Variants in DYNC1H1 observed in about 807,000 individuals in gnomAD.
DYNC1H1 encodes dynein cytoplasmic 1 heavy chain 1.
Under a neutral mutation model 527.1 loss-of-function variants are expected in DYNC1H1, and 51 were observed. The observed-to-expected ratio is 0.10, with a 90% CI of 0.08 to 0.12. The LOEUF is 0.12. Ranked by LOEUF, DYNC1H1 falls within the 10% of genes least tolerant of loss-of-function variation. The pLI is 1.00. For synonymous variants in DYNC1H1, 2,189 were observed against 2,278.8 expected, an observed-to-expected ratio of 0.96 and a Z score of 1.12; for missense variants, 2,771 against 5,971.8, an observed-to-expected ratio of 0.46 and a Z score of 17.66.
In DYNC1H1 at chr14:102,041,045, T is replaced by C. The variant is rs2048643338; in HGVS notation, c.11941+372T>C. 2.7e-6 allele frequency: 1 copy of C among 367,150 alleles called. No homozygotes were observed. The highest frequency in any genetic ancestry group is 4.0e-5 in the Admixed American group (1 of 25,304). 22.7% of individuals were successfully genotyped at this position (367,150 alleles called of 1,614,324 possible). Reference sequence around the variant, plus strand: ...CTTAGGGAGATCGCTTCTAGGTAGGTGTTGGCTTAGAAGTAAATCAGAAAT... The same window carrying C: ...CTTAGGGAGATCGCTTCTAGGTAGGCGTTGGCTTAGAAGTAAATCAGAAAT... On this transcript the variant is annotated intron_variant, in intron 64 of 77. Coordinates refer to ENST00000360184, the MANE Select transcript of DYNC1H1 (RefSeq NM_001376.5). This position sits in a 1 kb window ranked among gnomAD's most constrained non-coding sequence, Gnocchi z 4.5.
chr14:102,013,171 C>T (rs769339894), intron 34 of DYNC1H1, among the ~76,000 whole-genome samples: 29 of 146,310 alleles, frequency 2.0e-4, no homozygotes, highest in Non-Finnish European at 3.6e-4. Context: ...ATGGCATGAA[C>T]CTGGGAGGCG....
chr14:102,004,818 C>T lies in DYNC1H1; in HGVS notation c.5106C>T (p.Leu1702=). ...AACATCCCAAAATCAATGAGTGGCT[C>T]ACATTGGTAGAAAAGGAGATGAGAG... ...ITEHPKINEW[L]TLVEKEMRVT... is the part of the protein sequence containing the mutation. Residue 1702 remains leucine, a synonymous_variant, in exon 25 of 78, where the codon CTC becomes CTT. Transcript: ENST00000360184. The T allele has an allele frequency of 6.2e-7, 1 of 1,614,174 alleles. No homozygotes were observed. The highest frequency in any genetic ancestry group is 8.5e-7 in the Non-Finnish European group (1 of 1,180,030).
At chr14:101,991,864 G>T (rs2048002489) in intron 11 of DYNC1H1, among the ~76,000 whole-genome samples, 191 bp downstream of exon 11, 1 of 152,152 alleles carries the variant, frequency 6.6e-6, no homozygotes, top group African/African-American at 2.4e-5. Flanking sequence ...GGCATTTGTA[G>T]CTTGGTCTCA....
At chr14:102,046,857 G>A (rs2048726810) in intron 72 of DYNC1H1, among the ~76,000 whole-genome samples, 1 of 151,042 alleles carries the variant, frequency 6.6e-6, no homozygotes, top group Admixed American at 6.6e-5. Context: ...GGAGTGCAGT[G>A]GTGCAATCAG....
At chr14:101,970,470 GTTGTT>G (rs2047721558) in intron 1 of DYNC1H1, among the ~76,000 whole-genome samples, 1 of 96,308 alleles carries the variant, frequency 1.0e-5, no homozygotes, top group African/African-American at 4.8e-5. Context: ...TTGGTTTGTT[GTTGTT>G]TTTTTTTTTT....
At chr14:101,970,128 C>T (rs1398261063) in intron 1 of DYNC1H1, among the ~76,000 whole-genome samples, 2 of 152,016 alleles carry the variant, frequency 1.3e-5, no homozygotes, top group African/African-American at 2.4e-5. Flanking sequence ...CTTTTCTTTT[C>T]GGGAAATACC....
At chr14:102,032,655 C>A in intron 52 of DYNC1H1, 188 bp downstream of exon 52, 1 of 736,950 alleles carries the variant, frequency 1.4e-6, no homozygotes, top group Non-Finnish European at 2.3e-6. Context: ...AGTTAGAGAC[C>A]AACCTGGGCT....
Position 101,988,906 on chromosome 14 carries a change from TC to T in DYNC1H1, c.2868+55del, listed in dbSNP as rs2047964989. 5.0e-6 allele frequency: 8 copies of T among 1,609,064 alleles called. No homozygotes were observed. In the Admixed American group the frequency reaches 6.7e-5, roughly 13 times the overall value. ...TAATAAGTGAAATAACAAAACTCTCTCGTTAAAAAACACCTATGGAAAGGTC... is the reference window on the plus strand; with the variant it reads ...TAATAAGTGAAATAACAAAACTCTCTGTTAAAAAACACCTATGGAAAGGTC... On this transcript the variant is annotated intron_variant, in intron 10 of 77. Transcript: ENST00000360184.
rs1285270824 is a variant in DYNC1H1, at chr14:102,026,613, G to A, written c.8677G>A (p.Val2893Ile). Residue 2893 changes from valine to isoleucine, a missense_variant, in exon 44 of 78, where the codon GTC (valine) becomes ATC (isoleucine). By Grantham distance (29) the Val-to-Ile change is conservative. Transcript: ENST00000360184. The stretch of plus-strand genomic sequence containing the variant: ...AGACCAAGAAGAGTTAAGAGATTAT[G>A]TCAAAGCTAGGCTGAAGGTCTTTTA... ...PVDQEELRDY[V>I]KARLKVFYEE... 1.5e-5 allele frequency: 25 copies of A among 1,614,148 alleles called. No individual in the cohort carries two copies. The highest frequency in any genetic ancestry group is 2.2e-5 in the East Asian group (1 of 44,886).
chr14:101,991,757 T>A, intron 11 of DYNC1H1, 84 bp downstream of exon 11: 1 of 1,575,326 alleles, frequency 6.3e-7, no homozygotes, highest in Non-Finnish European at 8.7e-7. Flanking sequence ...GGTGCTTCTT[T>A]AGATAAGCTC....
At chr14:102,004,357 T>A (rs1420722546) in intron 23 of DYNC1H1, among the ~76,000 whole-genome samples, 161 bp from the exon 24 acceptor site, 1 of 152,238 alleles carries the variant, frequency 6.6e-6, no homozygotes, top group African/African-American at 2.4e-5. Context: ...GTGTATCTTT[T>A]GCCAAGGGCT....
rs146220233 is a variant in DYNC1H1 at position 102,020,051 on chromosome 14, A to G, written c.8502A>G (p.Gln2834=). 2.1e-4 allele frequency: 338 copies of G among 1,614,120 alleles called. 5 individuals are homozygous for G. Among genetic ancestry groups the G allele is most frequent in the South Asian group, 3.1e-4 (28 of 91,080 alleles). Residue 2834 remains glutamine (Q), a synonymous_variant, in exon 42 of 78, where the codon CAA becomes CAG. Coordinates refer to ENST00000360184, the MANE Select transcript of DYNC1H1 (RefSeq NM_001376.5). The surrounding 1 kb of genome is among the most constrained non-coding windows in gnomAD (Gnocchi z 4.3). ...CACATGAAGCTCTGCGTCTCTTCCA[A>G]GATAGGTAAGGGAAGCCGAGGATCC... is the stretch of plus-strand genomic sequence containing the variant. ...IWAHEALRLF[Q]DRLVEDEERR...
Position 102,033,288 on chromosome 14 carries a change from T to C in DYNC1H1, c.10217T>C (p.Leu3406Ser). 6.2e-7 allele frequency: 1 copy of C among 1,614,142 alleles called. No homozygotes were observed. The highest frequency in any genetic ancestry group is 8.5e-7 in the Non-Finnish European group (1 of 1,180,038). The change falls in exon 54 of 78, where the codon TTA becomes TCA. Residue 3406 changes from leucine (L) to serine (S), a missense_variant. By Grantham distance (145) the Leu-to-Ser change is moderately radical (BLOSUM62 -2). This residue lies in a region of DYNC1H1 where 283 missense variants were observed against 737.6 expected (regional missense o/e 0.38). Transcript: ENST00000360184. The surrounding 1 kb of genome is among the most constrained non-coding windows in gnomAD (Gnocchi z 5.6). ...AIAQLNYADM[L>S]KRVEPLRNEL... ...TCCCAGCTTAACTATGCAGACATGT[T>C]AAAGAGAGTGGAGCCCCTACGCAAT...
In DYNC1H1 at chr14:102,043,858, G is replaced by C. The variant is rs2048682474; in HGVS notation, c.12514-17G>C. On this transcript the variant is annotated splice_polypyrimidine_tract_variant and intron_variant, in intron 69 of 77. Transcript: ENST00000360184. ...CTGTTTTCTAATGACTCTGTGCTTG[G>C]TCACTTTCCTCACCAGTCTCCCAAC... 6.2e-7 allele frequency: 1 copy of C among 1,614,048 alleles called. No homozygotes were observed. Among genetic ancestry groups the C allele is most frequent in the South Asian group, 1.1e-5 (1 of 91,092 alleles).
chr14:102,010,870 G>A lies in DYNC1H1; in HGVS notation c.6536G>A (p.Arg2179Gln), dbSNP rs1222784464. 1.9e-6 allele frequency: 3 copies of A among 1,614,108 alleles called. No individual in the cohort carries two copies. The highest frequency in any genetic ancestry group is 1.7e-6 in the Non-Finnish European group (2 of 1,180,052). ...CACAGGGGTGAGATGACTGCCCTTCGAGAGGAGCTGAAGAAAGTGTGTCAG... is the reference window on the plus strand; with the variant it reads ...CACAGGGGTGAGATGACTGCCCTTCAAGAGGAGCTGAAGAAAGTGTGTCAG... ...QYHRGEMTAL[R>Q]EELKKVCQEM... Residue 2179 changes from arginine to glutamine, a missense_variant, in exon 32 of 78, where the codon CGA becomes CAA. Physicochemically the swap from Arg to Gln is conservative, Grantham distance 43. Around this residue, in one of 32 missense-constraint regions of DYNC1H1, gnomAD observed 56 missense variants for 140.6 expected, o/e 0.40. Transcript: ENST00000360184. This position sits in a 1 kb window ranked among gnomAD's most constrained non-coding sequence, Gnocchi z 6.0.
At chr14:101,987,117 G>C (rs1448834357) in intron 8 of DYNC1H1, among the ~76,000 whole-genome samples, 1 of 152,270 alleles carries the variant, frequency 6.6e-6, no homozygotes, top group East Asian at 1.9e-4. Context: ...CAGCGGACCA[G>C]ATGCATACGA....
At position 102,010,209 on chromosome 14, in the gene DYNC1H1, A is replaced by G; in HGVS notation, c.6222-67A>G. Reference sequence around the variant, plus strand: ...CAAAATATCCATCTCTGGTTTCTTGACACTTGACCCTATTATTGCTTAAAG... The same window carrying G: ...CAAAATATCCATCTCTGGTTTCTTGGCACTTGACCCTATTATTGCTTAAAG... On this transcript the variant is annotated intron_variant, in intron 30 of 77. Coordinates refer to ENST00000360184, the MANE Select transcript of DYNC1H1 (RefSeq NM_001376.5). The surrounding 1 kb of genome is among the most constrained non-coding windows in gnomAD (Gnocchi z 6.0). The G allele has an allele frequency of 6.2e-7, 1 of 1,612,666 alleles. No individual in the cohort carries two copies. Among genetic ancestry groups the G allele is most frequent in the African/African-American group, 1.3e-5 (1 of 74,874 alleles).
At chr14:102,007,443 T>C (rs1479199265) in intron 28 of DYNC1H1, among the ~76,000 whole-genome samples, 1 of 152,190 alleles carries the variant, frequency 6.6e-6, no homozygotes, top group Non-Finnish European at 1.5e-5. Flanking sequence ...CAAAAAGTGA[T>C]AGAATAAAAA....
rs137911066 is a variant in DYNC1H1 at position 102,022,754 on chromosome 14, C to T, written c.8511C>T (p.Leu2837=). ...GCACATGCTGCTCTCCCCACAGACT[C>T]GTAGAGGATGAGGAGAGGCGTTGGA... ...HEALRLFQDR[L]VEDEERRWTD... Residue 2837 remains leucine (L), a synonymous_variant, in exon 43 of 78, where the codon CTC becomes CTT. Transcript: ENST00000360184. 22 of 1,613,946 alleles carry T rather than the reference C, an allele frequency of 1.4e-5. No individual in the cohort carries two copies. Among genetic ancestry groups the T allele is most frequent in the East Asian group, 1.1e-4 (5 of 44,898 alleles).
Sources: allele counts gnomAD v4.1 joint callset (sites outside exome capture counted in the v4.1 genomes callset), GRCh38; gene constraint gnomAD v4.1.1; regional missense constraint gnomAD v4.1.1; non-coding constraint Gnocchi (gnomAD v3.1); transcripts MANE v1.5; gene names NCBI Gene and HGNC (gene_info 2026-07-23, HGNC 2026-07-21).